The following TERB1 variants were observed in gnomAD, a reference collection of about 807,000 sequenced individuals.
TERB1 encodes the protein telomere repeats-binding bouquet formation protein 1.
TERB1 carries 63 observed loss-of-function variants against 92.3 expected under a neutral mutation model. The observed-to-expected ratio is 0.68, with a 90% CI of 0.56 to 0.84. The LOEUF is 0.84. Ranked by LOEUF, TERB1 falls within the 40% of genes least tolerant of loss-of-function variation. The pLI, the probability that TERB1 is intolerant of heterozygous loss-of-function variation, is 0.00. For missense variants in TERB1, 709 were observed against 843.7 expected (o/e 0.84, Z 1.98); for synonymous variants, 252 against 283.9 (o/e 0.89, Z 1.13).
chr16:66,777,862 A>C (rs912938144), intron 10 of TERB1, among the ~76,000 whole-genome samples: 2 of 152,244 alleles, frequency 1.3e-5, no homozygotes, highest in African/African-American at 4.8e-5. Context: ...CCACCATTTT[A>C]AGCTATACTT....
chr16:66,772,880 CT>C, intron 12 of TERB1, 131 bp from the exon 13 acceptor site: 1 of 662,206 alleles, frequency 1.5e-6, no homozygotes, highest in Non-Finnish European at 2.5e-6. Context: ...TTAATTGGTA[CT>C]GAAAAGTAAG....
intron 16 of TERB1, among the ~76,000 whole-genome samples, chr16:66,765,461 CTTT>C (rs887640658): frequency 1.4e-5 from 2 of 144,320 alleles, no homozygotes; most frequent in Admixed American, 6.9e-5. Context: ...TTCTTTCTTT[CTTT>C]TTTTTTTTTT....
intron 14 of TERB1, among the ~76,000 whole-genome samples, chr16:66,768,791 A>G (rs1469338414): frequency 6.6e-6 from 1 of 152,136 alleles, no homozygotes; most frequent in African/African-American, 2.4e-5. Flanking sequence ...AATATTAATA[A>G]GTTGGCTGAG....
At chr16:66,792,854 T>A (rs1400206979) in intron 3 of TERB1, among the ~76,000 whole-genome samples, 1 of 152,092 alleles carries the variant, frequency 6.6e-6, no homozygotes, top group African/African-American at 2.4e-5. Context: ...AGAAAAGCTA[T>A]AATACAGATT....
Position 66,770,161 on chromosome 16 carries a change from C to G in TERB1, c.1421G>C (p.Ser474Thr). The G allele has an allele frequency of 6.4e-7, 1 of 1,552,318 alleles. No individual in the cohort carries two copies. Among genetic ancestry groups the G allele is most frequent in the Non-Finnish European group, 8.7e-7 (1 of 1,147,130 alleles). ...EDKSHSRQLQ[S>T]YKSHGVMSKA... is the part of the protein sequence containing the mutation. ...AGACATGACTCCATGGGACTTATAA[C>G]TCTGTAACTGTCTAGAATGGCTTTT... Residue 474 changes from serine (S) to threonine (T), a missense_variant, in exon 14 of 19, where the codon AGT becomes ACT. Transcript: ENST00000433154.
At chr16:66,768,760 A>T (rs1292534973) in intron 14 of TERB1, among the ~76,000 whole-genome samples, 1 of 152,188 alleles carries the variant, frequency 6.6e-6, no homozygotes, top group African/African-American at 2.4e-5. Flanking sequence ...TAGGAGAAAA[A>T]AAGCATTTCA....
chr16:66,782,511 T>A (rs146616041), intron 9 of TERB1, among the ~76,000 whole-genome samples: 106 of 146,480 alleles, frequency 7.2e-4, no homozygotes, highest in African/African-American at 2.4e-3. Context: ...GACTGTACCA[T>A]GCACGCCAGC....
intron 18 of TERB1, among the ~76,000 whole-genome samples, 169 bp from the exon 19 acceptor site, chr16:66,755,332 A>G (rs2018120328): frequency 1.3e-5 from 2 of 152,242 alleles, no homozygotes; most frequent in South Asian, 4.1e-4. Flanking sequence ...TAAAAACCTG[A>G]GTGCCTAATA....
intron 6 of TERB1, among the ~76,000 whole-genome samples, chr16:66,786,851 C>T (rs1446103429): frequency 1.3e-5 from 2 of 152,164 alleles, no homozygotes; most frequent in East Asian, 3.8e-4. Flanking sequence ...CAACCTGATG[C>T]CTCGCTTCCC....
At chr16:66,792,589 T>TA (rs1444540324) in intron 3 of TERB1, among the ~76,000 whole-genome samples, 1 of 152,178 alleles carries the variant, frequency 6.6e-6, no homozygotes, top group Admixed American at 6.5e-5. Context: ...TACATAAAAA[T>TA]AGATTGTACA....
intron 12 of TERB1, among the ~76,000 whole-genome samples, chr16:66,774,810 G>A (rs554648170): frequency 6.6e-6 from 1 of 151,488 alleles, no homozygotes; most frequent in African/African-American, 2.4e-5. Flanking sequence ...TTCTACCTCA[G>A]CTTCCCAAGT....
chr16:66,759,217 A>C lies in TERB1; in HGVS notation c.1854T>G (p.Cys618Trp). Residue 618 changes from cysteine (C) to tryptophan (W), a missense_variant, in exon 17 of 19, where the codon TGT becomes TGG. Coordinates refer to ENST00000433154, the MANE Select transcript of TERB1 (RefSeq NM_001136505.2). ...CTTCCACAATGACTTTGTGACGATC[A>C]CATTGGTATGGGCAAGAGTGCAAGA... ...SKLLHSCPYQ[C>W]DRHKVIVEAE... 1 of 1,551,146 alleles carries C rather than the reference A, an allele frequency of 6.4e-7. No homozygotes were observed. The highest frequency in any genetic ancestry group is 8.7e-7 in the Non-Finnish European group (1 of 1,146,808).
intron 14 of TERB1, among the ~76,000 whole-genome samples, chr16:66,768,882 T>C (rs1288325470): frequency 6.6e-6 from 1 of 152,008 alleles, no homozygotes; most frequent in Non-Finnish European, 1.5e-5. Context: ...GGCGGGCAGA[T>C]CACCTGAGGT....
intron 16 of TERB1, among the ~76,000 whole-genome samples, chr16:66,765,928 G>C (rs868688426): frequency 7.6e-6 from 1 of 130,870 alleles, no homozygotes; most frequent in Non-Finnish European, 1.6e-5. Context: ...GCGGACTGCA[G>C]TGGCGCAATC....
At chr16:66,775,354 C>T in intron 11 of TERB1, 111 bp from the exon 12 acceptor site, 1 of 996,252 alleles carries the variant, frequency 1.0e-6, no homozygotes, top group Non-Finnish European at 1.5e-6. Context: ...TAAAAATAGG[C>T]CAGGAACGGT....
intron 16 of TERB1, among the ~76,000 whole-genome samples, chr16:66,761,225 G>A (rs2018241506): frequency 6.6e-6 from 1 of 151,526 alleles, no homozygotes; most frequent in South Asian, 2.1e-4. Context: ...GCCAAGGTGG[G>A]CAGATCACTT....
At chr16:66,778,239 C>G (rs578006464) in intron 10 of TERB1, among the ~76,000 whole-genome samples, 6 of 152,020 alleles carry the variant, frequency 3.9e-5, no homozygotes, top group South Asian at 4.1e-4. Flanking sequence ...TCAAAAATAT[C>G]CCTTGGTTTC....
At chr16:66,781,604 C>G (rs1313219137) in intron 9 of TERB1, among the ~76,000 whole-genome samples, 1 of 150,384 alleles carries the variant, frequency 6.6e-6, no homozygotes, top group Non-Finnish European at 1.5e-5. Context: ...ACTGCAAGCT[C>G]CACCTCCTGG....
At chr16:66,785,193 C>T (rs995725280) in intron 9 of TERB1, among the ~76,000 whole-genome samples, 1 of 151,132 alleles carries the variant, frequency 6.6e-6, no homozygotes, top group African/African-American at 2.4e-5. Context: ...CTAATTGTTG[C>T]CAACATGCCC....
Sources: allele counts gnomAD v4.1 joint callset (sites outside exome capture counted in the v4.1 genomes callset), GRCh38; gene constraint gnomAD v4.1.1; transcripts MANE v1.5; gene names NCBI Gene and HGNC (gene_info 2026-07-23, HGNC 2026-07-21).